NTM: variants seen among roughly 807,000 people sequenced by gnomAD.
NTM encodes the protein IgLON family member 2.
NTM carries 13 observed loss-of-function variants against 42.1 expected under a neutral mutation model. The observed-to-expected ratio is 0.31, with a 90% CI of 0.20 to 0.49. The LOEUF (loss-of-function observed/expected upper bound fraction) is 0.49. Among genes scored for constraint, NTM ranks in the 20% least tolerant of loss-of-function variants. The pLI is 0.99. For synonymous variants in NTM, 187 were observed against 179.2 expected, an observed-to-expected ratio of 1.04 and a Z score of -0.35; for missense variants, 373 against 452.8, an observed-to-expected ratio of 0.82 and a Z score of 1.60.
At chr11:131,794,800 C>A (rs1264504781) in intron 1 of NTM, 1 of 985,258 alleles carries the variant, frequency 1.0e-6, no homozygotes, top group Admixed American at 6.1e-5. Context: ...ACTTTGGAAG[C>A]CCCTACCTAG....
intron 2 of NTM, among the ~76,000 whole-genome samples, chr11:132,014,163 G>A (rs1382618981): frequency 6.6e-6 from 1 of 151,924 alleles, no homozygotes; most frequent in Non-Finnish European, 1.5e-5. Flanking sequence ...TTCTGTGCCT[G>A]ACTTATTTCA....
intron 3 of NTM, among the ~76,000 whole-genome samples, chr11:132,181,906 G>C (rs2077628640): frequency 6.6e-6 from 1 of 151,232 alleles, no homozygotes; most frequent in Non-Finnish European, 1.5e-5. Flanking sequence ...AGTACTATAA[G>C]GCAAGTCTGA....
At chr11:131,794,128 G>C (rs1386029028) in intron 1 of NTM, among the ~76,000 whole-genome samples, 1 of 152,168 alleles carries the variant, frequency 6.6e-6, no homozygotes, top group Non-Finnish European at 1.5e-5. Flanking sequence ...GGAATGAAGG[G>C]GGCTTGGAGG....
At chr11:132,105,120 T>C (rs10894500) in intron 2 of NTM, among the ~76,000 whole-genome samples, 106,338 of 150,522 alleles carry the variant, frequency 0.71, 38,277 homozygotes, top group African/African-American at 0.77. Context: ...CAGCTCACCC[T>C]ATCTGACCCA....
chr11:132,298,782 A>G (rs1030491413), intron 4 of NTM, among the ~76,000 whole-genome samples: 2 of 152,200 alleles, frequency 1.3e-5, no homozygotes, highest in African/African-American at 4.8e-5. Flanking sequence ...GTAGCTATGC[A>G]TATTCAACCA....
intron 1 of NTM, among the ~76,000 whole-genome samples, chr11:131,520,756 A>C (rs200478418): frequency 2.3e-5 from 1 of 43,700 alleles, no homozygotes; most frequent in African/African-American, 4.0e-4. Context: ...CCTTAAAAGA[A>C]AAAAAAAAAT....
At chr11:131,761,397 G>A (rs1457275636) in intron 1 of NTM, among the ~76,000 whole-genome samples, 3 of 152,144 alleles carry the variant, frequency 2.0e-5, no homozygotes, top group African/African-American at 7.2e-5. Context: ...CTATGTTGAA[G>A]GCCTAACTTT....
At chr11:132,235,408 C>T (rs141304494) in intron 4 of NTM, among the ~76,000 whole-genome samples, 7 of 152,214 alleles carry the variant, frequency 4.6e-5, no homozygotes, top group South Asian at 2.1e-4. Flanking sequence ...GCCTCCAGAA[C>T]GTTCTTCCTC....
At chr11:131,912,741 G>A (rs2055432473) in intron 2 of NTM, among the ~76,000 whole-genome samples, 1 of 152,178 alleles carries the variant, frequency 6.6e-6, no homozygotes, top group East Asian at 1.9e-4. Flanking sequence ...CCTGTCCTTT[G>A]CACATGAAGA....
chr11:132,131,545 G>A (rs2066825690), intron 2 of NTM, among the ~76,000 whole-genome samples: 1 of 152,172 alleles, frequency 6.6e-6, no homozygotes, highest in Admixed American at 6.5e-5. Context: ...AGGAAGGGGT[G>A]TGTGGGCGAG....
rs1442123744 is a variant in NTM at position 131,789,485 on chromosome 11, AAGAAGAGGAAAGAAG to A, written c.83-122077_83-122063del. 2.1e-3 allele frequency among the ~76,000 whole-genome samples: 21 copies of A among 10,072 alleles called. 7 individuals carry two copies. The highest frequency in any genetic ancestry group is 0.011 in the East Asian group (5 of 448). 6.6% of individuals were successfully genotyped at this position (10,072 alleles called of 152,430 possible). A position where few individuals can be genotyped will look rare whatever the true frequency, so the allele number is the denominator to read the frequency against. The stretch of plus-strand genomic sequence containing the variant: ...GAAGAAGAAGAAGAAGAAGAAGAAG[AAGAAGAGGAAAGAAG>A]AAGAAGAAGAAGAAGAAGAAGAAGA... On this transcript the variant is annotated intron_variant, in intron 1 of 8. Coordinates refer to ENST00000683400, the MANE Select transcript of NTM (RefSeq NM_001352005.2).
chr11:131,871,736 C>G (rs76575398), intron 1 of NTM, among the ~76,000 whole-genome samples: 1,843 of 152,274 alleles, frequency 0.012, 41 homozygotes, highest in African/African-American at 0.042. Context: ...ACTCATCATG[C>G]TTTGTGGCTC....
intron 7 of NTM, among the ~76,000 whole-genome samples, chr11:132,329,808 G>A (rs2095762560): frequency 1.3e-5 from 2 of 152,220 alleles, no homozygotes; most frequent in South Asian, 4.1e-4. Context: ...AAGCCTATTT[G>A]GTTTGGTGTC....
At chr11:131,615,932 C>T (rs1032644209) in intron 1 of NTM, among the ~76,000 whole-genome samples, 7 of 152,224 alleles carry the variant, frequency 4.6e-5, no homozygotes, top group African/African-American at 7.2e-5. Flanking sequence ...GCGGCTGGGG[C>T]GTAGCCTAGA....
intron 4 of NTM, among the ~76,000 whole-genome samples, chr11:132,300,747 A>G (rs1286640709): frequency 6.6e-6 from 1 of 152,196 alleles, no homozygotes; most frequent in Admixed American, 6.5e-5. Context: ...GCCTCTCAGC[A>G]CCCATCTGCC....
At chr11:131,807,852 G>A (rs987148665) in intron 1 of NTM, among the ~76,000 whole-genome samples, 3 of 152,096 alleles carry the variant, frequency 2.0e-5, no homozygotes, top group African/African-American at 7.2e-5. Context: ...TAACGACTAC[G>A]ACTGGAGTCT....
intron 3 of NTM, among the ~76,000 whole-genome samples, chr11:132,184,943 CT>C (rs1214870682): frequency 6.6e-6 from 1 of 151,862 alleles, no homozygotes; most frequent in Admixed American, 6.6e-5. Flanking sequence ...TTTTGTTGTT[CT>C]AATTTTTCTT....
At chr11:132,321,023 T>C (rs1216150571) in intron 7 of NTM, among the ~76,000 whole-genome samples, 3 of 151,106 alleles carry the variant, frequency 2.0e-5, no homozygotes, top group Non-Finnish European at 4.4e-5. Context: ...AAAACCCATC[T>C]GTACATCACC....
chr11:131,785,502 T>C (rs548068752), intron 1 of NTM, among the ~76,000 whole-genome samples: 4 of 152,358 alleles, frequency 2.6e-5, no homozygotes, highest in African/African-American at 7.2e-5. Context: ...TACTTAATTA[T>C]CCTTTTCCAC....
Sources: allele counts gnomAD v4.1 joint callset (sites outside exome capture counted in the v4.1 genomes callset), GRCh38; gene constraint gnomAD v4.1.1; transcripts MANE v1.5; gene names NCBI Gene and HGNC (gene_info 2026-07-23, HGNC 2026-07-21).